MB21D2: variants seen among roughly 807,000 people sequenced by gnomAD.
MB21D2 encodes nucleotidyltransferase MB21D2.
In MB21D2, 9 loss-of-function variants were observed where a neutral mutation model predicts 33.3. The ratio of observed to expected loss-of-function variants is 0.27; its 90% CI spans 0.16 to 0.47. MB21D2 has a LOEUF of 0.47. MB21D2 is among the 20% of genes least tolerant of loss of function. MB21D2 has a pLI of 0.99. For missense variants in MB21D2, 540 were observed against 624.6 expected, an observed-to-expected ratio of 0.86 and a Z score of 1.44; for synonymous variants, 241 against 236.3, an observed-to-expected ratio of 1.02 and a Z score of -0.18.
Position 192,798,833 on chromosome 3 carries a change from AAG to A in MB21D2, c.1027_1028del (p.Leu343SerfsTer21), listed in dbSNP as rs1720582196. ...RSMMLWACDR[L>X]PANYLAQEDY... ...CTTCTTGAGCCAAGTAGTTGGCAGG[AAG>A]TCTGTCGCAGGCCCAGAGCATCATG... On this transcript the variant is annotated frameshift_variant, in exon 2 of 2. Coordinates refer to ENST00000392452, the MANE Select transcript of MB21D2 (RefSeq NM_178496.4). LOFTEE classifies it high-confidence loss of function. This position sits in a 1 kb window ranked among gnomAD's most constrained non-coding sequence, Gnocchi z 4.8. The A allele has an allele frequency of 6.2e-7, 1 of 1,611,992 alleles. No individual in the cohort carries two copies. The highest frequency in any genetic ancestry group is 1.3e-5 in the African/African-American group (1 of 74,914).
chr3:192,828,793 C>T (rs1330724160), intron 1 of MB21D2, among the ~76,000 whole-genome samples: 1 of 150,342 alleles, frequency 6.7e-6, no homozygotes, highest in African/African-American at 2.4e-5. Flanking sequence ...GGACTACAGG[C>T]GCCCGCCATC....
intron 1 of MB21D2, among the ~76,000 whole-genome samples, chr3:192,908,601 G>A (rs956438098): frequency 1.1e-4 from 17 of 151,214 alleles, no homozygotes; most frequent in South Asian, 8.4e-4. Flanking sequence ...TTTTTTTTTA[G>A]TAGAGACGAG....
At chr3:192,894,844 C>T (rs1015109525) in intron 1 of MB21D2, among the ~76,000 whole-genome samples, 3 of 152,140 alleles carry the variant, frequency 2.0e-5, no homozygotes, top group African/African-American at 7.2e-5. Context: ...TCAAGGGAAA[C>T]CTCCCTTTAG....
intron 1 of MB21D2, among the ~76,000 whole-genome samples, chr3:192,821,795 C>G (rs1162312474): frequency 7.9e-5 from 12 of 152,064 alleles, no homozygotes; most frequent in Non-Finnish European, 1.8e-4. Flanking sequence ...CATGATGGGC[C>G]GTCAGGGTCC....
intron 1 of MB21D2, among the ~76,000 whole-genome samples, chr3:192,905,647 AAAAAAAAG>A (rs1714198146): frequency 1.3e-5 from 2 of 150,460 alleles, no homozygotes; most frequent in Non-Finnish European, 1.5e-5. Context: ...AAAAAAAAAA[AAAAAAAAG>A]AAAAAGAAAA....
At chr3:192,856,083 AAAT>A (rs1303029043) in intron 1 of MB21D2, among the ~76,000 whole-genome samples, 1 of 152,148 alleles carries the variant, frequency 6.6e-6, no homozygotes, top group Non-Finnish European at 1.5e-5. Flanking sequence ...CTTAATAAGA[AAAT>A]AATAATAATA....
chr3:192,857,850 C>T (rs938189673), intron 1 of MB21D2, among the ~76,000 whole-genome samples: 15 of 152,098 alleles, frequency 9.9e-5, no homozygotes, highest in East Asian at 1.9e-4. Context: ...TTAGGTCGGG[C>T]GCAGTGGCTC....
At chr3:192,839,558 T>G (rs1712524243) in intron 1 of MB21D2, among the ~76,000 whole-genome samples, 1 of 152,194 alleles carries the variant, frequency 6.6e-6, no homozygotes, top group African/African-American at 2.4e-5. Flanking sequence ...CACATAAATA[T>G]AGAAGTTTCT....
At chr3:192,814,259 A>G (rs1010898207) in intron 1 of MB21D2, among the ~76,000 whole-genome samples, 4 of 152,158 alleles carry the variant, frequency 2.6e-5, no homozygotes, top group Admixed American at 6.5e-5. Context: ...GTAATTTAAG[A>G]AAGGACTAAG....
intron 1 of MB21D2, among the ~76,000 whole-genome samples, chr3:192,851,064 T>C (rs956877623): frequency 6.6e-6 from 1 of 152,192 alleles, no homozygotes; most frequent in African/African-American, 2.4e-5. Context: ...GAAGTAATTA[T>C]GAAGACGAAT....
At chr3:192,801,618 T>C (rs1157325226) in intron 1 of MB21D2, among the ~76,000 whole-genome samples, 1 of 152,162 alleles carries the variant, frequency 6.6e-6, no homozygotes, top group Non-Finnish European at 1.5e-5. Context: ...TTCTGCCATG[T>C]GAGGACACAG....
chr3:192,839,859 A>C (rs551291282), intron 1 of MB21D2, among the ~76,000 whole-genome samples: 4 of 152,298 alleles, frequency 2.6e-5, no homozygotes, highest in African/African-American at 7.2e-5. Flanking sequence ...TTCTTTTTCA[A>C]ATCCCTTTCT....
intron 1 of MB21D2, among the ~76,000 whole-genome samples, chr3:192,860,683 G>C (rs1355709386): frequency 3.9e-5 from 6 of 152,208 alleles, no homozygotes; most frequent in Non-Finnish European, 4.4e-5. Flanking sequence ...GCCAGCAGAA[G>C]TGGAAGACTT....
At chr3:192,825,543 T>C (rs948199084) in intron 1 of MB21D2, among the ~76,000 whole-genome samples, 1 of 152,220 alleles carries the variant, frequency 6.6e-6, no homozygotes, top group Non-Finnish European at 1.5e-5. Flanking sequence ...TCCTATTAAA[T>C]GAAGCTTCCA....
intron 1 of MB21D2, among the ~76,000 whole-genome samples, chr3:192,895,391 A>T (rs560188960): frequency 1.3e-5 from 2 of 152,198 alleles, no homozygotes; most frequent in Admixed American, 1.3e-4. Flanking sequence ...AATTACTAAT[A>T]TAAGCATCCG....
intron 1 of MB21D2, among the ~76,000 whole-genome samples, chr3:192,853,648 GTTT>G (rs75204492): frequency 6.9e-6 from 1 of 145,906 alleles, no homozygotes; most frequent in Non-Finnish European, 1.5e-5. Flanking sequence ...TTGGTGTTTT[GTTT>G]TTTTTTTTAT....
At chr3:192,821,043 C>T (rs1299954777) in intron 1 of MB21D2, among the ~76,000 whole-genome samples, 1 of 152,082 alleles carries the variant, frequency 6.6e-6, no homozygotes, top group African/African-American at 2.4e-5. Context: ...CCATTTTAAA[C>T]AAACAAACAG....
At chr3:192,909,125 G>A (rs1026584563) in intron 1 of MB21D2, among the ~76,000 whole-genome samples, 4 of 151,604 alleles carry the variant, frequency 2.6e-5, no homozygotes, top group Admixed American at 6.6e-5. Flanking sequence ...GCATGGTGGC[G>A]GGCGCCTGTA....
At chr3:192,915,527 A>C (rs1714443358) in intron 1 of MB21D2, among the ~76,000 whole-genome samples, 1 of 152,156 alleles carries the variant, frequency 6.6e-6, no homozygotes. Context: ...AAAAGGCTTA[A>C]ATGACACTCT....
Sources: gnomAD v4.1 joint callset for allele counts (sites outside exome capture counted in the v4.1 genomes callset) on GRCh38, gnomAD v4.1.1 for gene constraint, Gnocchi (gnomAD v3.1) non-coding constraint, MANE v1.5 for transcripts, NCBI Gene and HGNC (gene_info 2026-07-23, HGNC 2026-07-21) for gene names.